Variants in LGSN observed in about 807,000 individuals in gnomAD.
LGSN encodes lengsin.
A neutral mutation model predicts 19.5 loss-of-function variants in LGSN; 21 were observed. The observed-to-expected ratio is 1.07, with a 90% CI of 0.76 to 1.55. The LOEUF (loss-of-function observed/expected upper bound fraction) is 1.55, where lower values mean the gene tolerates loss of function less well. Ranked by LOEUF, LGSN falls within the 40% of genes most tolerant of loss-of-function variation. The probability of loss-of-function intolerance (pLI) is 0.00; values close to 1 mark genes in which losing one functional copy is unlikely to be tolerated. For missense variants in LGSN, 673 were observed against 608.5 expected, an observed-to-expected ratio of 1.11 and a Z score of -1.12; for synonymous variants, 257 against 215.6, an observed-to-expected ratio of 1.19 and a Z score of -1.68.
At chr6:63,441,946 GGTGA>G in the LGSN span, 24 of 230,248 alleles carry the variant, frequency 1.0e-4, no homozygotes, top group Non-Finnish European at 1.0e-4. Context: ...GGACCCTCGC[GGTGA>G]GTGTTACAGT....
At chr6:63,347,350 G>C in the LGSN span, among the ~76,000 whole-genome samples, 1 of 152,056 alleles carries the variant, frequency 6.6e-6, no homozygotes, top group African/African-American at 2.4e-5. Flanking sequence ...CTTTGAATTT[G>C]CATTAACTAA....
At chr6:63,473,926 G>T in the LGSN span, among the ~76,000 whole-genome samples, 1 of 148,864 alleles carries the variant, frequency 6.7e-6, no homozygotes, top group Non-Finnish European at 1.5e-5. Context: ...CAACCCTTTA[G>T]ATTAAAGATA....
chr6:63,572,219 C>G, the LGSN span: 1 of 161,824 alleles, frequency 6.2e-6, no homozygotes, highest in African/African-American at 2.4e-5. Context: ...CGCTCCCACC[C>G]CTTCTTAACT....
the LGSN span, among the ~76,000 whole-genome samples, chr6:63,347,988 T>A: frequency 6.6e-6 from 1 of 152,196 alleles, no homozygotes; most frequent in Non-Finnish European, 1.5e-5. Flanking sequence ...TTCTAGCTCT[T>A]GAAAATTTTC....
the LGSN span, among the ~76,000 whole-genome samples, chr6:63,483,540 G>T: frequency 2.0e-5 from 3 of 151,682 alleles, no homozygotes; most frequent in Non-Finnish European, 4.4e-5. Context: ...TAATTTTTTT[G>T]TGTGTTTTTA....
chr6:63,341,600 G>A, the LGSN span, among the ~76,000 whole-genome samples: 3 of 152,140 alleles, frequency 2.0e-5, no homozygotes, highest in East Asian at 5.8e-4. Flanking sequence ...CTGTTCCCTG[G>A]GATATAGGAC....
chr6:63,441,740 T>C, the LGSN span: 1 of 398,058 alleles, frequency 2.5e-6, no homozygotes, highest in Admixed American at 3.0e-5. Flanking sequence ...GGCCCCCAAA[T>C]CTAAGTCCGA....
chr6:63,503,483 T>C, the LGSN span, among the ~76,000 whole-genome samples: 13 of 152,350 alleles, frequency 8.5e-5, 1 homozygote, highest in South Asian at 2.7e-3. Context: ...CGGAATAGAT[T>C]AATCCTCTCT....
At chr6:63,526,832 TA>T in the LGSN span, among the ~76,000 whole-genome samples, 4,049 of 139,960 alleles carry the variant, frequency 0.029, 54 homozygotes, top group African/African-American at 0.041. Context: ...TATATATATA[TA>T]TATTTATTTA....
the LGSN span, among the ~76,000 whole-genome samples, chr6:63,366,182 A>G: frequency 6.6e-6 from 1 of 152,228 alleles, no homozygotes; most frequent in South Asian, 2.1e-4. Context: ...TTGTATATTT[A>G]GAAAACCCCA....
the LGSN span, among the ~76,000 whole-genome samples, chr6:63,424,742 T>C: frequency 6.6e-6 from 1 of 151,952 alleles, no homozygotes; most frequent in African/African-American, 2.4e-5. Context: ...GTGAAACCCA[T>C]CTCTACAAAA....
chr6:63,358,947 C>T, the LGSN span, among the ~76,000 whole-genome samples: 4 of 152,124 alleles, frequency 2.6e-5, no homozygotes, highest in Admixed American at 6.5e-5. Context: ...TTTGTCCATT[C>T]AGTATGATAT....
chr6:63,562,147 A>C, the LGSN span, among the ~76,000 whole-genome samples: 1 of 151,332 alleles, frequency 6.6e-6, no homozygotes, highest in Non-Finnish European at 1.5e-5. Context: ...ATTTCTTTTT[A>C]TTTAACATTA....
At chr6:63,505,565 A>AAAAAGAAAGAGAAAG in the LGSN span, among the ~76,000 whole-genome samples, 1 of 58,648 alleles carries the variant, frequency 1.7e-5, no homozygotes, top group African/African-American at 8.8e-5. Flanking sequence ...AAAAAAAAAA[A>AAAAAGAAAGAGAAAG]AAAGAAAGAA....
the LGSN span, among the ~76,000 whole-genome samples, chr6:63,504,183 GGCTGGAGTGCAGTGGCGAT>G: frequency 6.6e-6 from 1 of 151,272 alleles, no homozygotes; most frequent in African/African-American, 2.4e-5. Flanking sequence ...TTGTCACTCA[GGCTGGAGTGCAGTGGCGAT>G]CTCGGCTCAC....
At chr6:63,318,606 G>A (rs560067480) in intron 1 of LGSN, among the ~76,000 whole-genome samples, 1 of 152,260 alleles carries the variant, frequency 6.6e-6, no homozygotes, top group East Asian at 1.9e-4. Context: ...GTCTCTTGCT[G>A]TGAGAATTGT....
the LGSN span, among the ~76,000 whole-genome samples, chr6:63,406,159 G>C: frequency 3.3e-5 from 5 of 152,132 alleles, no homozygotes; most frequent in African/African-American, 1.2e-4. Context: ...ATTGAACTCA[G>C]CTCTGCACCA....
At chr6:63,548,503 G>C in the LGSN span, among the ~76,000 whole-genome samples, 1 of 152,166 alleles carries the variant, frequency 6.6e-6, no homozygotes, top group African/African-American at 2.4e-5. Context: ...CATCGTAGCA[G>C]CCTGTGAGCT....
intron 3 of LGSN, among the ~76,000 whole-genome samples, chr6:63,284,872 T>G (rs192707253): frequency 6.6e-5 from 10 of 152,326 alleles, no homozygotes; most frequent in Admixed American, 2.0e-4. Context: ...GATGTTAATG[T>G]GATAAAAGTG....
Sources: allele counts gnomAD v4.1 joint callset (sites outside exome capture counted in the v4.1 genomes callset), GRCh38; gene constraint gnomAD v4.1.1; transcripts MANE v1.5; gene names NCBI Gene and HGNC (gene_info 2026-07-23, HGNC 2026-07-21).